Variants in EPHA6 observed in about 807,000 individuals in gnomAD.
The protein encoded by EPHA6 is EPH receptor A6.
A neutral mutation model predicts 112.0 loss-of-function variants in EPHA6; 50 were observed. The observed-to-expected ratio is 0.45, with a 90% CI of 0.36 to 0.56. The LOEUF (loss-of-function observed/expected upper bound fraction) is 0.56. Among genes scored for constraint, EPHA6 ranks in the 20% least tolerant of loss-of-function variants. EPHA6 has a pLI of 0.00. For synonymous variants in EPHA6, 529 were observed against 490.7 expected (o/e 1.08, Z -1.03); for missense variants, 1,280 against 1,417.4 (o/e 0.90, Z 1.56).
At chr3:96,899,014 C>A (rs1318366495) in intron 2 of EPHA6, among the ~76,000 whole-genome samples, 1 of 146,092 alleles carries the variant, frequency 6.8e-6, no homozygotes, top group East Asian at 2.0e-4. Flanking sequence ...GGCGACAGAG[C>A]GAAACTCCAT....
chr3:97,132,527 AT>A (rs1269730177), intron 3 of EPHA6, among the ~76,000 whole-genome samples: 11 of 152,000 alleles, frequency 7.2e-5, no homozygotes, highest in Admixed American at 6.6e-4. Flanking sequence ...TTAAGGAGTT[AT>A]TGACATGTTT....
chr3:97,013,448 G>C (rs2044159780), intron 3 of EPHA6, among the ~76,000 whole-genome samples: 2 of 151,874 alleles, frequency 1.3e-5, no homozygotes, highest in Non-Finnish European at 2.9e-5. Flanking sequence ...AGCAATCCTA[G>C]ATATATGTTT....
chr3:96,838,126 A>T (rs971347796), intron 1 of EPHA6, among the ~76,000 whole-genome samples: 1 of 110,364 alleles, frequency 9.1e-6, no homozygotes, highest in Non-Finnish European at 1.8e-5. Context: ...TTCAGCTCCC[A>T]CTTATAAGTG....
chr3:96,955,999 A>G (rs543796630), intron 2 of EPHA6, among the ~76,000 whole-genome samples: 1 of 152,346 alleles, frequency 6.6e-6, no homozygotes, highest in South Asian at 2.1e-4. Context: ...ACTTATGTGA[A>G]TTTATATTCA....
rs537883797 is a variant in EPHA6 at position 97,409,338 on chromosome 3, G to A, written c.1731+4064G>A. ...CTGATTGTTGACCAACTATATGCCA[G>A]GTAATCTTTTAAGTGTTTTGCAAGG... On this transcript the variant is annotated intron_variant, in intron 6 of 17. Transcript: ENST00000389672. Among the ~76,000 whole-genome samples, 4 of 152,194 alleles carry A rather than the reference G, an allele frequency of 2.6e-5. No individual in the cohort carries two copies. The South Asian group carries it at 6.2e-4, about 24-fold the overall frequency.
chr3:96,923,499 A>G (rs894753080), intron 2 of EPHA6, among the ~76,000 whole-genome samples: 2 of 146,534 alleles, frequency 1.4e-5, no homozygotes, highest in African/African-American at 2.5e-5. Context: ...TTTTTCCTTT[A>G]GTTTCTTTAA....
chr3:97,235,315 T>G (rs1576740269), intron 4 of EPHA6, among the ~76,000 whole-genome samples: 1 of 152,086 alleles, frequency 6.6e-6, no homozygotes, highest in Non-Finnish European at 1.5e-5. Flanking sequence ...TCAACCTGAG[T>G]TAGCCAGTAT....
chr3:97,113,823 CAG>C (rs939913741), intron 3 of EPHA6, among the ~76,000 whole-genome samples: 15 of 152,022 alleles, frequency 9.9e-5, no homozygotes, highest in African/African-American at 3.6e-4. Context: ...GAATGTCCCA[CAG>C]ACTTTTTTCT....
intron 5 of EPHA6, among the ~76,000 whole-genome samples, chr3:97,297,579 G>GT (rs987527159): frequency 1.7e-4 from 26 of 152,172 alleles, no homozygotes; most frequent in Admixed American, 5.9e-4. Flanking sequence ...GTCCCAGAAG[G>GT]TAGAAAGTAA....
intron 1 of EPHA6, among the ~76,000 whole-genome samples, chr3:96,834,254 A>T (rs2107290525): frequency 6.6e-6 from 1 of 152,114 alleles, no homozygotes; most frequent in Non-Finnish European, 1.5e-5. Flanking sequence ...AAATGAAAGA[A>T]AAATGTGATT....
intron 10 of EPHA6, among the ~76,000 whole-genome samples, chr3:97,486,164 C>T (rs534242789): frequency 2.4e-4 from 37 of 152,154 alleles, no homozygotes; most frequent in African/African-American, 7.9e-4. Context: ...GTCATAATGG[C>T]GTTTATCTCA....
intron 5 of EPHA6, among the ~76,000 whole-genome samples, chr3:97,400,638 T>C (rs2086939383): frequency 6.6e-6 from 1 of 151,664 alleles, no homozygotes; most frequent in African/African-American, 2.4e-5. Context: ...AGATTTTTCA[T>C]CTCCTTGGTT....
At chr3:97,165,428 C>A (rs1324268787) in intron 3 of EPHA6, among the ~76,000 whole-genome samples, 1 of 152,066 alleles carries the variant, frequency 6.6e-6, no homozygotes, top group Non-Finnish European at 1.5e-5. Context: ...ATATAATAAG[C>A]ATTTTTAAAA....
chr3:97,182,138 A>C (rs1193284893), intron 3 of EPHA6, among the ~76,000 whole-genome samples: 2 of 152,008 alleles, frequency 1.3e-5, no homozygotes, highest in African/African-American at 4.8e-5. Flanking sequence ...TTTTTCAAAA[A>C]AGTATGCACT....
chr3:97,582,722 A>G (rs1005651934), intron 11 of EPHA6, among the ~76,000 whole-genome samples: 1 of 152,214 alleles, frequency 6.6e-6, no homozygotes, highest in African/African-American at 2.4e-5. Context: ...ATTATTAAAT[A>G]GTAACATGGA....
At chr3:97,527,917 T>C (rs538279910) in intron 10 of EPHA6, among the ~76,000 whole-genome samples, 1 of 152,246 alleles carries the variant, frequency 6.6e-6, no homozygotes, top group East Asian at 1.9e-4. Context: ...GAAGAATGTT[T>C]CCTGTAAGGC....
chr3:96,987,710 A>C lies in EPHA6; in HGVS notation c.831A>C (p.Gly277=). The stretch of plus-strand genomic sequence containing the variant: ...AGGTGGGGCCTATAGAAAGGAAAGG[A>C]TTTTATCTGGCTTTTCAAGACATTG... ...IREVGPIERK[G]FYLAFQDIGA... The change falls in exon 3 of 18, where the codon GGA becomes GGC. Residue 277 remains glycine, a synonymous_variant. Coordinates refer to ENST00000389672, the MANE Select transcript of EPHA6 (RefSeq NM_001080448.3). 1 of 1,608,236 alleles carries C rather than the reference A, an allele frequency of 6.2e-7. No homozygotes were observed. Among genetic ancestry groups the C allele is most frequent in the East Asian group, 2.2e-5 (1 of 44,782 alleles).
At chr3:97,608,797 T>C (rs2093697822) in intron 12 of EPHA6, among the ~76,000 whole-genome samples, 1 of 151,268 alleles carries the variant, frequency 6.6e-6, no homozygotes, top group Non-Finnish European at 1.5e-5. Flanking sequence ...ATGAGGTGCA[T>C]CACTGGAAAG....
At chr3:97,393,389 C>A (rs2086527398) in intron 5 of EPHA6, among the ~76,000 whole-genome samples, 1 of 151,822 alleles carries the variant, frequency 6.6e-6, no homozygotes, top group Non-Finnish European at 1.5e-5. Context: ...CTGAAAACAG[C>A]AGCTAAAGAC....
Sources: allele counts gnomAD v4.1 joint callset (sites outside exome capture counted in the v4.1 genomes callset), GRCh38; gene constraint gnomAD v4.1.1; transcripts MANE v1.5; gene names NCBI Gene and HGNC (gene_info 2026-07-23, HGNC 2026-07-21).